Variants in GKAP1 observed in about 807,000 individuals in gnomAD.
GKAP1 encodes the protein G kinase-anchoring protein 1.
GKAP1 carries 31 observed loss-of-function variants against 56.7 expected under a neutral mutation model. The observed-to-expected ratio is 0.55, with a 90% CI of 0.41 to 0.74. GKAP1 has a LOEUF of 0.74. Among genes scored for constraint, GKAP1 ranks in the 30% least tolerant of loss-of-function variants. The pLI, the probability that GKAP1 is intolerant of heterozygous loss-of-function variation, is 0.00. For synonymous variants in GKAP1, 151 were observed against 138.6 expected (o/e 1.09, Z -0.63); for missense variants, 364 against 402.3 (o/e 0.90, Z 0.82).
intron 9 of GKAP1, among the ~76,000 whole-genome samples, chr9:83,751,258 C>A (rs1943383944): frequency 6.6e-6 from 1 of 152,160 alleles, no homozygotes; most frequent in South Asian, 2.1e-4. Context: ...CCATCATATT[C>A]CCATGCCTTT....
chr9:83,767,107 G>T (rs905554423), intron 8 of GKAP1, among the ~76,000 whole-genome samples: 7 of 152,182 alleles, frequency 4.6e-5, no homozygotes, highest in African/African-American at 1.7e-4. Flanking sequence ...TGCAGACATA[G>T]AGGTCTGAGA....
At chr9:83,756,470 C>CAAAAAAAAAAAAAAAAAAAA (rs142896755) in intron 8 of GKAP1, among the ~76,000 whole-genome samples, 1 of 75,438 alleles carries the variant, frequency 1.3e-5, no homozygotes, top group Non-Finnish European at 2.5e-5. Context: ...GACTCCATCT[C>CAAAAAAAAAAAAAAAAAAAA]AAAAAAAAAA....
At chr9:83,758,589 T>C (rs951301801) in intron 8 of GKAP1, among the ~76,000 whole-genome samples, 2 of 151,760 alleles carry the variant, frequency 1.3e-5, no homozygotes, top group Admixed American at 6.6e-5. Context: ...AAAAAAATAA[T>C]ACATAATAAA....
intron 10 of GKAP1, among the ~76,000 whole-genome samples, chr9:83,744,829 T>C (rs1444519650): frequency 6.6e-6 from 1 of 152,144 alleles, no homozygotes; most frequent in South Asian, 2.1e-4. Flanking sequence ...CTTACAATCA[T>C]AGTAGAAGGC....
chr9:83,813,708 A>G (rs1469039764), intron 2 of GKAP1, among the ~76,000 whole-genome samples: 1 of 152,276 alleles, frequency 6.6e-6, no homozygotes, highest in Non-Finnish European at 1.5e-5. Context: ...ATAAACACAC[A>G]TTCTCAATAT....
chr9:83,784,801 T>G lies in GKAP1; in HGVS notation c.476A>C (p.Lys159Thr). 1 of 1,596,508 alleles carries G rather than the reference T, an allele frequency of 6.3e-7. No individual in the cohort carries two copies. Among genetic ancestry groups the G allele is most frequent in the Non-Finnish European group, 8.6e-7 (1 of 1,168,244 alleles). The change falls in exon 6 of 13, where the codon AAA becomes ACA. Residue 159 changes from lysine to threonine, a missense_variant. Lys to Thr is a moderately conservative substitution (Grantham distance 78). Transcript: ENST00000376371. ...EDAENTSTQS[K>T]VMNKKDKRKN... ...TCTTTTATCTTTTTTATTCATAACTTTGGACTGAGTTGAAGTATTTTCAGC... is the reference window on the plus strand; with the variant it reads ...TCTTTTATCTTTTTTATTCATAACTGTGGACTGAGTTGAAGTATTTTCAGC...
At chr9:83,761,384 C>A (rs1943568060) in intron 8 of GKAP1, among the ~76,000 whole-genome samples, 1 of 151,832 alleles carries the variant, frequency 6.6e-6, no homozygotes, top group Admixed American at 6.6e-5. Flanking sequence ...TGAAGAAATC[C>A]AAAATCGAAC....
intron 4 of GKAP1, among the ~76,000 whole-genome samples, chr9:83,797,017 A>C (rs1014591918): frequency 1.3e-5 from 2 of 152,108 alleles, no homozygotes; most frequent in Non-Finnish European, 2.9e-5. Context: ...CTTTTCCTTC[A>C]TGTGGCAGAA....
chr9:83,768,785 T>C (rs1317919012), intron 8 of GKAP1, 33 bp downstream of exon 8: 1 of 1,575,630 alleles, frequency 6.3e-7, no homozygotes, highest in Non-Finnish European at 8.6e-7. Context: ...TCAATTTCAC[T>C]GTGATTTTAA....
chr9:83,743,718 C>G (rs965938678), intron 10 of GKAP1, among the ~76,000 whole-genome samples: 1 of 152,116 alleles, frequency 6.6e-6, no homozygotes, highest in Non-Finnish European at 1.5e-5. Context: ...AAGGCAATGT[C>G]AACTAAATGT....
Position 83,784,710 on chromosome 9 carries a change from A to C in GKAP1, c.562+5T>G. Reference sequence around the variant, plus strand: ...TTTAGCATAATAGCATTGTATATACATTACCTTCCGAATGAAAATCTTTTA... The same window carrying C: ...TTTAGCATAATAGCATTGTATATACCTTACCTTCCGAATGAAAATCTTTTA... On this transcript the variant is annotated splice_donor_5th_base_variant and intron_variant, in intron 6 of 12. Coordinates refer to ENST00000376371, the MANE Select transcript of GKAP1 (RefSeq NM_025211.4). The C allele has an allele frequency of 6.3e-7, 1 of 1,580,312 alleles. No homozygotes were observed. The highest frequency in any genetic ancestry group is 8.6e-7 in the Non-Finnish European group (1 of 1,161,824).
chr9:83,778,376 T>C (rs1279429645), intron 7 of GKAP1, among the ~76,000 whole-genome samples: 1 of 152,110 alleles, frequency 6.6e-6, no homozygotes, highest in East Asian at 1.9e-4. Context: ...TAAAAAAGAA[T>C]GAGACTGTGT....
intron 5 of GKAP1, among the ~76,000 whole-genome samples, chr9:83,787,728 C>T (rs1267538966): frequency 1.3e-5 from 2 of 152,120 alleles, no homozygotes; most frequent in African/African-American, 4.8e-5. Flanking sequence ...AATTTAAATA[C>T]GGAAACTGGA....
intron 10 of GKAP1, among the ~76,000 whole-genome samples, chr9:83,745,712 C>T (rs1265798401): frequency 1.3e-5 from 2 of 152,024 alleles, no homozygotes; most frequent in African/African-American, 4.8e-5. Context: ...TTAAAAGACC[C>T]ACATGGAGAT....
intron 2 of GKAP1, among the ~76,000 whole-genome samples, chr9:83,810,361 G>C (rs1488579869): frequency 6.6e-6 from 1 of 152,182 alleles, no homozygotes; most frequent in East Asian, 1.9e-4. Context: ...AAAATGAAAA[G>C]TTAATGTTCA....
chr9:83,808,094 T>A (rs1216779488), intron 2 of GKAP1, among the ~76,000 whole-genome samples: 1 of 152,212 alleles, frequency 6.6e-6, no homozygotes, highest in African/African-American at 2.4e-5. Context: ...GCTAGAAATA[T>A]GCAAATCAAG....
chr9:83,799,152 A>G (rs768737272), intron 4 of GKAP1, 33 bp downstream of exon 4: 4 of 1,602,664 alleles, frequency 2.5e-6, no homozygotes, highest in East Asian at 2.2e-5. Flanking sequence ...AAATTCAATG[A>G]AAAACAAAGC....
At chr9:83,749,463 G>C (rs1943350235) in intron 9 of GKAP1, among the ~76,000 whole-genome samples, 1 of 152,102 alleles carries the variant, frequency 6.6e-6, no homozygotes. Flanking sequence ...TTGACCTCAA[G>C]TGATCAACCC....
At chr9:83,778,139 C>T (rs1166829318) in intron 7 of GKAP1, among the ~76,000 whole-genome samples, 2 of 152,022 alleles carry the variant, frequency 1.3e-5, no homozygotes, top group Admixed American at 6.6e-5. Flanking sequence ...AGCAGTGTGG[C>T]GATTCCTCAA....
Sources: allele counts gnomAD v4.1 joint callset (sites outside exome capture counted in the v4.1 genomes callset), GRCh38; gene constraint gnomAD v4.1.1; transcripts MANE v1.5; gene names NCBI Gene and HGNC (gene_info 2026-07-23, HGNC 2026-07-21).